The following NCOA2 variants were observed in gnomAD, a reference collection of about 807,000 sequenced individuals.
NCOA2 encodes the protein nuclear receptor coactivator 2, also known as class E basic helix-loop-helix protein 75.
NCOA2 carries 21 observed loss-of-function variants against 145.1 expected under a neutral mutation model. That is an observed-to-expected ratio of 0.14 (90% CI 0.10 to 0.21). NCOA2 has a LOEUF of 0.21. Ranked by LOEUF, NCOA2 falls within the 10% of genes least tolerant of loss-of-function variation. The pLI, the probability that NCOA2 is intolerant of heterozygous loss-of-function variation, is 1.00. For synonymous variants in NCOA2, 619 were observed against 637.5 expected, an observed-to-expected ratio of 0.97 and a Z score of 0.44; for missense variants, 1,472 against 1,837.6, an observed-to-expected ratio of 0.80 and a Z score of 3.64.
intron 2 of NCOA2, among the ~76,000 whole-genome samples, chr8:70,275,543 T>C (rs959358719): frequency 1.3e-5 from 2 of 152,124 alleles, no homozygotes; most frequent in Non-Finnish European, 2.9e-5. Context: ...TGTAGGAATC[T>C]GATACCTTAA....
At chr8:70,440,144 G>A in the NCOA2 span, among the ~76,000 whole-genome samples, 4 of 152,074 alleles carry the variant, frequency 2.6e-5, no homozygotes, top group East Asian at 5.8e-4. Flanking sequence ...AATTAGCTGG[G>A]CATGGTGGCG....
the NCOA2 span, among the ~76,000 whole-genome samples, chr8:70,409,951 T>C: frequency 2.0e-5 from 3 of 152,162 alleles, no homozygotes; most frequent in African/African-American, 7.2e-5. Context: ...GGCTCATGCC[T>C]GTAATCTCAG....
chr8:70,170,563 A>G (rs1262084605), intron 5 of NCOA2, among the ~76,000 whole-genome samples, 184 bp from the exon 6 acceptor site: 1 of 152,238 alleles, frequency 6.6e-6, no homozygotes, highest in African/African-American at 2.4e-5. Context: ...AATAGAAATT[A>G]TTCCATCTTA....
intron 4 of NCOA2, among the ~76,000 whole-genome samples, chr8:70,210,806 T>C (rs912711445): frequency 5.9e-5 from 9 of 152,206 alleles, no homozygotes; most frequent in Admixed American, 4.6e-4. Context: ...TTCTTTAGTA[T>C]GGCCCCTCAT....
chr8:70,376,261 ATT>A (rs1485568890), intron 1 of NCOA2, among the ~76,000 whole-genome samples: 3 of 152,284 alleles, frequency 2.0e-5, no homozygotes, highest in East Asian at 1.9e-4. Context: ...TGAATAGGTC[ATT>A]AGTCAGTCTC....
chr8:70,265,418 C>T (rs1824488269), intron 2 of NCOA2, among the ~76,000 whole-genome samples: 1 of 152,114 alleles, frequency 6.6e-6, no homozygotes, highest in Non-Finnish European at 1.5e-5. Flanking sequence ...TTTGTTATGA[C>T]AGCACGAGCT....
At chr8:70,202,751 C>T (rs1818022575) in intron 4 of NCOA2, among the ~76,000 whole-genome samples, 1 of 152,110 alleles carries the variant, frequency 6.6e-6, no homozygotes, top group South Asian at 2.1e-4. Flanking sequence ...TTCTAGAGAT[C>T]CACTGTACAA....
chr8:70,417,268 G>C, the NCOA2 span, among the ~76,000 whole-genome samples: 1 of 81,102 alleles, frequency 1.2e-5, no homozygotes. Context: ...AAAAAAAAAG[G>C]CCAGGCGCAG....
At chr8:70,367,223 C>G (rs1453315006) in intron 1 of NCOA2, among the ~76,000 whole-genome samples, 2 of 152,208 alleles carry the variant, frequency 1.3e-5, no homozygotes, top group Non-Finnish European at 2.9e-5. Flanking sequence ...ACTCCTAAGA[C>G]TGTTCTCATT....
chr8:70,170,688 C>T (rs1585940283), intron 5 of NCOA2, among the ~76,000 whole-genome samples: 1 of 152,150 alleles, frequency 6.6e-6, no homozygotes, highest in Admixed American at 6.6e-5. Flanking sequence ...TACAGACATT[C>T]ATCTGTATTT....
At chr8:70,237,798 G>C (rs16936844) in intron 2 of NCOA2, among the ~76,000 whole-genome samples, 10,265 of 151,754 alleles carry the variant, frequency 0.068, 447 homozygotes, top group East Asian at 0.16. Context: ...AGTTTACAAA[G>C]CTTTAGCATA....
At chr8:70,225,556 AAAAGAAAAGAAAAG>A (rs1186703019) in intron 2 of NCOA2, among the ~76,000 whole-genome samples, 37 of 151,858 alleles carry the variant, frequency 2.4e-4, no homozygotes, top group South Asian at 1.5e-3. Context: ...CTCAAAAAAA[AAAAGAAAAGAAAAG>A]AAAGAAAAGA....
intron 1 of NCOA2, among the ~76,000 whole-genome samples, chr8:70,317,150 GT>G (rs1805649468): frequency 6.6e-6 from 1 of 152,216 alleles, no homozygotes; most frequent in Non-Finnish European, 1.5e-5. Context: ...TGCAGAGGGT[GT>G]GATCTCCAGG....
At chr8:70,178,961 A>G (rs1420199493) in intron 4 of NCOA2, among the ~76,000 whole-genome samples, 1 of 152,218 alleles carries the variant, frequency 6.6e-6, no homozygotes, top group Non-Finnish European at 1.5e-5. Flanking sequence ...ATCAATCTAA[A>G]CTTATATTAG....
chr8:70,265,683 T>C (rs1824509369), intron 2 of NCOA2, among the ~76,000 whole-genome samples: 1 of 152,246 alleles, frequency 6.6e-6, no homozygotes, highest in African/African-American at 2.4e-5. Flanking sequence ...TCAGTCCATT[T>C]GGAATGCCAT....
chr8:70,451,227 A>ATATATATATATATATATATATATAT, the NCOA2 span, among the ~76,000 whole-genome samples: 1 of 113,332 alleles, frequency 8.8e-6, no homozygotes, highest in African/African-American at 3.9e-5. Flanking sequence ...CAAAAAAAAA[A>ATATATATATATATATATATATATAT]AAAAAAAAAA....
intron 1 of NCOA2, among the ~76,000 whole-genome samples, chr8:70,331,530 T>A (rs769191685): frequency 2.8e-4 from 42 of 152,158 alleles, no homozygotes; most frequent in Non-Finnish European, 5.0e-4. Flanking sequence ...ATTCCTTACG[T>A]TAAAATGTCT....
At chr8:70,191,632 G>A (rs1271546386) in intron 4 of NCOA2, among the ~76,000 whole-genome samples, 1 of 152,194 alleles carries the variant, frequency 6.6e-6, no homozygotes, top group Admixed American at 6.5e-5. Context: ...GGGAGGAAGA[G>A]AGAGGGAGGG....
intron 1 of NCOA2, among the ~76,000 whole-genome samples, chr8:70,332,785 G>C (rs1236380315): frequency 6.6e-6 from 1 of 152,150 alleles, no homozygotes; most frequent in African/African-American, 2.4e-5. Flanking sequence ...AACTCCAGGA[G>C]TCCATAGTTC....
Sources: allele counts gnomAD v4.1 joint callset (sites outside exome capture counted in the v4.1 genomes callset), GRCh38; gene constraint gnomAD v4.1.1; transcripts MANE v1.5; gene names NCBI Gene and HGNC (gene_info 2026-07-23, HGNC 2026-07-21).